The following EFCAB5 variants were observed in gnomAD, a reference collection of about 807,000 sequenced individuals.
EFCAB5 encodes the protein EF-hand calcium binding domain 5, also known as EF-hand calcium-binding domain-containing protein 5.
Under a neutral mutation model 167.9 loss-of-function variants are expected in EFCAB5, and 131 were observed. The observed-to-expected ratio is 0.78, with a 90% confidence interval of 0.68 to 0.90. The LOEUF (loss-of-function observed/expected upper bound fraction) is 0.90, where lower values mean the gene tolerates loss of function less well. Among genes scored for constraint, EFCAB5 ranks in the 40% least tolerant of loss-of-function variants. The pLI is 0.00. For synonymous variants in EFCAB5, 574 were observed against 602.8 expected (o/e 0.95, Z 0.70); for missense variants, 1,663 against 1,745.2 (o/e 0.95, Z 0.84).
At chr17:30,098,385 G>C (rs1441683147) in intron 22 of EFCAB5, among the ~76,000 whole-genome samples, 1 of 150,842 alleles carries the variant, frequency 6.6e-6, no homozygotes, top group African/African-American at 2.4e-5. Flanking sequence ...AAAAAAAAAA[G>C]CTGGGAGTAG....
chr17:30,022,159 A>G (rs2069195232), intron 7 of EFCAB5, among the ~76,000 whole-genome samples: 1 of 152,194 alleles, frequency 6.6e-6, no homozygotes, highest in African/African-American at 2.4e-5. Flanking sequence ...CTGTTTTATC[A>G]TAGTAAATGA....
In EFCAB5 at chr17:30,091,874, T is replaced by C. The variant is rs770481406; in HGVS notation, c.3941T>C (p.Ile1314Thr). The change falls in exon 21 of 23, where the codon ATT (isoleucine) becomes ACT (threonine). Residue 1314 changes from isoleucine (I) to threonine (T), a missense_variant. Physicochemically the swap from Ile to Thr is moderately conservative, Grantham distance 89 (BLOSUM62 -1). Coordinates refer to ENST00000394835, the MANE Select transcript of EFCAB5 (RefSeq NM_198529.4). ...GEIKKKYILE[I>T]ENVREVQRAG... The stretch of plus-strand genomic sequence containing the variant: ...AGCTATCATTTTGTTATTCCAGAGA[T>C]TGAAAATGTCAGGGAAGTCCAGCGG... 8 of 1,613,218 alleles carry C rather than the reference T, an allele frequency of 5.0e-6. No individual in the cohort carries two copies. In the Admixed American group the frequency reaches 1.2e-4, roughly 24 times the overall value.
intron 3 of EFCAB5, among the ~76,000 whole-genome samples, chr17:29,964,335 C>G (rs2067782726): frequency 6.6e-6 from 1 of 152,076 alleles, no homozygotes; most frequent in Non-Finnish European, 1.5e-5. Context: ...GCTCTGTTGC[C>G]CAGAGCTGGA....
Position 30,086,591 on chromosome 17 carries a change from CA to C in EFCAB5, c.3580-461del, listed in dbSNP as rs34720712. Among the ~76,000 whole-genome samples the C allele has an allele frequency of 1.0e-3, 153 of 147,152 alleles. No individual in the cohort carries two copies. The East Asian group carries it at 0.015, about 14-fold the overall frequency. On this transcript the variant is annotated intron_variant, in intron 18 of 22. Transcript: ENST00000394835. ...TTAAACCCTGTCTCTACTAAAGATACAAAAAAAAAAATTAGCCGGGGCCGGG... is the reference window on the plus strand; with the variant it reads ...TTAAACCCTGTCTCTACTAAAGATACAAAAAAAAAATTAGCCGGGGCCGGG...
intron 3 of EFCAB5, among the ~76,000 whole-genome samples, chr17:29,950,142 AC>A (rs1460505128): frequency 1.3e-5 from 2 of 152,042 alleles, no homozygotes; most frequent in Non-Finnish European, 2.9e-5. Flanking sequence ...AGCAAGATCA[AC>A]CCTTCCTCTT....
intron 7 of EFCAB5, among the ~76,000 whole-genome samples, chr17:30,027,629 A>T (rs2069367097): frequency 6.6e-6 from 1 of 152,104 alleles, no homozygotes; most frequent in Non-Finnish European, 1.5e-5. Flanking sequence ...ATCGAGGTAT[A>T]GGGTGTCAAG....
chr17:30,019,498 T>G (rs1471160420), intron 7 of EFCAB5, among the ~76,000 whole-genome samples: 1 of 150,018 alleles, frequency 6.7e-6, no homozygotes, highest in Non-Finnish European at 1.5e-5. Flanking sequence ...CAGGCTGGAG[T>G]GCAGTGGTGT....
At chr17:30,092,777 A>T (rs2071226623) in intron 21 of EFCAB5, 63 bp from the exon 22 acceptor site, 1 of 1,127,612 alleles carries the variant, frequency 8.9e-7, no homozygotes, top group East Asian at 2.4e-5. Flanking sequence ...AAGCTGTTGA[A>T]CTGGGCACTG....
intron 1 of EFCAB5, among the ~76,000 whole-genome samples, chr17:29,935,008 C>CA (rs969431248): frequency 1.7e-4 from 25 of 147,360 alleles, no homozygotes; most frequent in African/African-American, 5.7e-4. Context: ...TAAGACAGAG[C>CA]AAAAAAAAAG....
At chr17:30,065,693 C>T (rs909351620) in intron 14 of EFCAB5, 2 of 152,078 alleles carry the variant, frequency 1.3e-5, no homozygotes, top group African/African-American at 4.8e-5. Flanking sequence ...AAAACATGAC[C>T]TAACTATATG....
chr17:30,027,252 T>C (rs1226202453), intron 7 of EFCAB5, among the ~76,000 whole-genome samples: 1 of 149,438 alleles, frequency 6.7e-6, no homozygotes, highest in Non-Finnish European at 1.5e-5. Context: ...CCCAAAGTGC[T>C]GGCATTACAG....
At chr17:30,072,060 CG>C in intron 14 of EFCAB5, among the ~76,000 whole-genome samples, 1 of 152,036 alleles carries the variant, frequency 6.6e-6, no homozygotes, top group South Asian at 2.1e-4. Context: ...AGATATGAGG[CG>C]TAAGTTATAG....
chr17:30,105,800 C>A (rs2071441982), intron 22 of EFCAB5, among the ~76,000 whole-genome samples: 1 of 151,886 alleles, frequency 6.6e-6, no homozygotes, highest in Admixed American at 6.6e-5. Context: ...AAAGACAATG[C>A]CAGGGTGGTG....
chr17:29,930,410 T>C (rs2067172878), intron 1 of EFCAB5: 1 of 175,484 alleles, frequency 5.7e-6, no homozygotes, highest in South Asian at 1.1e-4. Flanking sequence ...CACTGGGTGC[T>C]GTGGAGTGGG....
chr17:30,079,483 G>A (rs1306937253), intron 15 of EFCAB5, among the ~76,000 whole-genome samples: 1 of 152,154 alleles, frequency 6.6e-6, no homozygotes, highest in Non-Finnish European at 1.5e-5. Context: ...ACATAATATT[G>A]TTAATAACAT....
At chr17:30,060,349 T>C (rs1343718742) in intron 14 of EFCAB5, among the ~76,000 whole-genome samples, 1 of 152,204 alleles carries the variant, frequency 6.6e-6, no homozygotes, top group Non-Finnish European at 1.5e-5. Flanking sequence ...TTTACTAACT[T>C]CTTATTCTCC....
chr17:29,951,442 A>G (rs2067507096), intron 3 of EFCAB5, among the ~76,000 whole-genome samples: 1 of 151,864 alleles, frequency 6.6e-6, no homozygotes, highest in African/African-American at 2.4e-5. Flanking sequence ...GGATCATGCC[A>G]TTCTCCTGCC....
intron 8 of EFCAB5, among the ~76,000 whole-genome samples, chr17:30,038,974 A>G (rs2069696944): frequency 6.6e-6 from 1 of 152,166 alleles, no homozygotes; most frequent in Admixed American, 6.5e-5. Context: ...GGTGTGACGA[A>G]TAAACCCAAA....
intron 8 of EFCAB5, among the ~76,000 whole-genome samples, chr17:30,044,113 C>T (rs965406003): frequency 1.2e-4 from 18 of 152,008 alleles, no homozygotes; most frequent in Admixed American, 6.5e-5. Context: ...AAATAATGGG[C>T]ATGCCAGAAA....
Sources: allele counts gnomAD v4.1 joint callset (sites outside exome capture counted in the v4.1 genomes callset), GRCh38; gene constraint gnomAD v4.1.1; transcripts MANE v1.5; gene names NCBI Gene and HGNC (gene_info 2026-07-23, HGNC 2026-07-21).